HIBADH: variants seen among roughly 807,000 people sequenced by gnomAD.
HIBADH encodes the protein 3-hydroxyisobutyrate dehydrogenase, also known as 3-hydroxyisobutyrate dehydrogenase, mitochondrial.
A neutral mutation model predicts 36.1 loss-of-function variants in HIBADH; 25 were observed. The observed-to-expected ratio is 0.69, with a 90% CI of 0.50 to 0.97. The LOEUF (loss-of-function observed/expected upper bound fraction) is 0.97. Ranked by LOEUF, HIBADH falls within the 50% of genes least tolerant of loss-of-function variation. The probability of loss-of-function intolerance (pLI) is 0.00; values close to 1 mark genes in which losing one functional copy is unlikely to be tolerated. For missense variants in HIBADH, 421 were observed against 418.0 expected (o/e 1.01, Z -0.06); for synonymous variants, 160 against 149.5 (o/e 1.07, Z -0.51).
chr7:27,536,643 C>G (rs890488351), intron 6 of HIBADH, among the ~76,000 whole-genome samples: 2 of 152,136 alleles, frequency 1.3e-5, no homozygotes, highest in Admixed American at 1.3e-4. Flanking sequence ...GTATTGCCTA[C>G]AGTTGTAGCT....
At chr7:27,602,446 A>G (rs1411589362) in intron 4 of HIBADH, among the ~76,000 whole-genome samples, 5 of 152,188 alleles carry the variant, frequency 3.3e-5, no homozygotes, top group Non-Finnish European at 1.5e-5. Context: ...AAAAAGCAGC[A>G]GGCAAAAACT....
intron 2 of HIBADH, among the ~76,000 whole-genome samples, chr7:27,639,773 T>C (rs1785927209): frequency 6.6e-6 from 1 of 152,154 alleles, no homozygotes; most frequent in South Asian, 2.1e-4. Context: ...CCACATATTT[T>C]ATGAAAATGA....
At position 27,662,685 on chromosome 7, in the gene HIBADH, G is replaced by A. The variant is rs372096049; in HGVS notation, c.91+13C>T. The A allele has an allele frequency of 2.7e-4, 356 of 1,307,362 alleles. No individual in the cohort carries two copies. The African/African-American group carries it at 5.0e-3, about 18-fold the overall frequency. The allele number at this position is 1,307,362 out of a possible 1,614,324, so 81.0% of individuals were successfully genotyped here. On this transcript the variant is annotated intron_variant, in intron 1 of 7. Transcript: ENST00000265395. ...GAAAGAAGGACAAGGGGGAGGAGGC[G>A]TGAGGTCCTTACCCGCTGCAAAGCT...
chr7:27,554,907 ATGAGT>A (rs1784369170), intron 4 of HIBADH, among the ~76,000 whole-genome samples: 1 of 152,162 alleles, frequency 6.6e-6, no homozygotes, highest in African/African-American at 2.4e-5. Flanking sequence ...AACTCCTACA[ATGAGT>A]TGAGTATGGT....
rs776737165 is a variant in HIBADH, at chr7:27,538,369, T to C, written c.667A>G (p.Thr223Ala). The change falls in exon 6 of 8, where the codon ACT becomes GCT. Residue 223 changes from threonine (T) to alanine (A), a missense_variant. Transcript: ENST00000265395. ...ATTCCAAGATTCATAGCTTCAGCAG[T>C]TCCAATCATACTAATAGCTAACAGC... ...NMLLAISMIG[T>A]AEAMNLGIRL... is the part of the protein sequence containing the mutation. 6.8e-6 allele frequency: 11 copies of C among 1,613,046 alleles called. No individual in the cohort carries two copies. Among genetic ancestry groups the C allele is most frequent in the Non-Finnish European group, 9.3e-6 (11 of 1,179,496 alleles).
chr7:27,545,247 C>G (rs1050416610), intron 4 of HIBADH, among the ~76,000 whole-genome samples: 1 of 152,080 alleles, frequency 6.6e-6, no homozygotes, highest in Admixed American at 6.6e-5. Flanking sequence ...TTGAGACCAG[C>G]CTGGGCAACA....
rs1784753970 is a variant in HIBADH, at chr7:27,579,039, TTTAGA to T, written c.485-35944_485-35940del. On this transcript the variant is annotated intron_variant, in intron 4 of 7. Transcript: ENST00000265395. ...TTTAAAGGGAGGGCATGGGAACTGTTTTAGATTAAAGAAAGATGAAGAAACAAAAC... is the reference window on the plus strand; with the variant it reads ...TTTAAAGGGAGGGCATGGGAACTGTTTTAAAGAAAGATGAAGAAACAAAAC... Among the ~76,000 whole-genome samples, 6 of 152,290 alleles carry T rather than the reference TTTAGA, an allele frequency of 3.9e-5. No homozygotes were observed. In the South Asian group the frequency reaches 6.2e-4, roughly 16 times the overall value.
intron 7 of HIBADH, 151 bp downstream of exon 7, chr7:27,531,041 T>C: frequency 1.3e-6 from 1 of 742,264 alleles, no homozygotes; most frequent in South Asian, 2.1e-5. Flanking sequence ...TTCATCTAAG[T>C]TAGGTTTTTA....
intron 4 of HIBADH, among the ~76,000 whole-genome samples, chr7:27,543,977 G>A (rs1396321494): frequency 2.0e-5 from 3 of 152,046 alleles, no homozygotes; most frequent in Admixed American, 1.3e-4. Context: ...AACCAAGAGC[G>A]CTATTACTGT....
At chr7:27,528,187 GCTCT>G (rs560827029) in intron 7 of HIBADH, among the ~76,000 whole-genome samples, 2 of 151,692 alleles carry the variant, frequency 1.3e-5, no homozygotes, top group South Asian at 2.1e-4. Flanking sequence ...CTGAATGGCA[GCTCT>G]CTCTCTCTTA....
chr7:27,624,745 A>G (rs1351460344), intron 4 of HIBADH, among the ~76,000 whole-genome samples: 1 of 152,212 alleles, frequency 6.6e-6, no homozygotes, highest in Non-Finnish European at 1.5e-5. Flanking sequence ...CCCCTGATCA[A>G]CAGTATGGTC....
At chr7:27,566,228 ACTG>A (rs1427593600) in intron 4 of HIBADH, among the ~76,000 whole-genome samples, 6 of 152,048 alleles carry the variant, frequency 3.9e-5, no homozygotes, top group Non-Finnish European at 5.9e-5. Flanking sequence ...ATTGTGTAGA[ACTG>A]CTATTTCTTT....
At position 27,538,336 on chromosome 7, in the gene HIBADH, C is replaced by T; in HGVS notation, c.695+5G>A. The T allele has an allele frequency of 1.2e-6, 2 of 1,608,758 alleles. No homozygotes were observed. Among genetic ancestry groups the T allele is most frequent in the Non-Finnish European group, 1.7e-6 (2 of 1,176,020 alleles). ...GTTAGTATAAAAACGTACTATTCAACAAACCTGATTCCAAGATTCATAGCT... is the reference window on the plus strand; with the variant it reads ...GTTAGTATAAAAACGTACTATTCAATAAACCTGATTCCAAGATTCATAGCT... On this transcript the variant is annotated splice_donor_5th_base_variant and intron_variant, in intron 6 of 7. Transcript: ENST00000265395.
chr7:27,573,103 C>T (rs542878425), intron 4 of HIBADH, among the ~76,000 whole-genome samples: 12 of 152,134 alleles, frequency 7.9e-5, no homozygotes, highest in Middle Eastern at 6.8e-3. Context: ...CGCATAAAGG[C>T]GAAAAAAGTA....
At chr7:27,552,632 T>A (rs1048066734) in intron 4 of HIBADH, among the ~76,000 whole-genome samples, 1 of 152,184 alleles carries the variant, frequency 6.6e-6, no homozygotes. Flanking sequence ...ACGCTAGGGA[T>A]GTGTTGTTAA....
At chr7:27,662,593 C>T in intron 1 of HIBADH, 105 bp downstream of exon 1, 5 of 664,908 alleles carry the variant, frequency 7.5e-6, no homozygotes, top group Non-Finnish European at 1.1e-5. Flanking sequence ...TTTTAAGCCC[C>T]AGCCCAACCG....
intron 2 of HIBADH, among the ~76,000 whole-genome samples, chr7:27,638,314 A>C (rs1785886797): frequency 6.9e-6 from 1 of 144,708 alleles, no homozygotes; most frequent in African/African-American, 2.5e-5. Context: ...AAGTCAAAAA[A>C]AAAAAAAAAA....
intron 5 of HIBADH, among the ~76,000 whole-genome samples, chr7:27,538,667 A>G (rs975994385): frequency 1.3e-5 from 2 of 152,168 alleles, no homozygotes; most frequent in African/African-American, 4.8e-5. Flanking sequence ...TTTTCCACAT[A>G]GCTACTACGG....
chr7:27,609,888 C>T (rs1785295793), intron 4 of HIBADH, among the ~76,000 whole-genome samples: 1 of 152,078 alleles, frequency 6.6e-6, no homozygotes, highest in African/African-American at 2.4e-5. Flanking sequence ...GCAATCTTGG[C>T]TCACTGCGAC....
Sources: allele counts gnomAD v4.1 joint callset (sites outside exome capture counted in the v4.1 genomes callset), GRCh38; gene constraint gnomAD v4.1.1; transcripts MANE v1.5; gene names NCBI Gene and HGNC (gene_info 2026-07-23, HGNC 2026-07-21).